Variants in DNAH5 observed in about 807,000 individuals in gnomAD.
The protein encoded by DNAH5 is axonemal beta dynein heavy chain 5.
DNAH5 carries 372 observed loss-of-function variants against 518.2 expected under a neutral mutation model. The ratio of observed to expected loss-of-function variants is 0.72; its 90% CI spans 0.66 to 0.78. DNAH5 has a LOEUF of 0.78. Ranked by LOEUF, DNAH5 falls within the 30% of genes least tolerant of loss-of-function variation. The pLI is 0.00. For synonymous variants in DNAH5, 2,039 were observed against 2,025.9 expected (o/e 1.01, Z -0.17); for missense variants, 5,523 against 5,687.0 (o/e 0.97, Z 0.93).
chr5:13,935,437 AT>A (rs1424704857), intron 1 of DNAH5, among the ~76,000 whole-genome samples: 3 of 152,200 alleles, frequency 2.0e-5, no homozygotes, highest in Non-Finnish European at 4.4e-5. Context: ...TTATTGACAT[AT>A]TTTTAAGTAA....
intron 44 of DNAH5, 59 bp from the exon 45 acceptor site, chr5:13,810,319 A>G (rs994848756): frequency 1.4e-6 from 2 of 1,463,476 alleles, no homozygotes; most frequent in African/African-American, 2.8e-5. Context: ...ACGTTGCTCT[A>G]GGGTTTCAAT....
intron 71 of DNAH5, 129 bp downstream of exon 71, chr5:13,720,871 A>AG (rs397687253): frequency 7.7e-7 from 1 of 1,301,954 alleles, no homozygotes; most frequent in African/African-American, 1.5e-5. Flanking sequence ...TAAAAAAAAA[A>AG]CGCTGTTTAG....
intron 1 of DNAH5, among the ~76,000 whole-genome samples, chr5:13,984,716 T>G (rs1405775912): frequency 6.6e-6 from 1 of 152,230 alleles, no homozygotes. Context: ...AATATCTAAT[T>G]TATTGAGAGT....
intron 72 of DNAH5, among the ~76,000 whole-genome samples, chr5:13,718,355 T>G (rs1270858994): frequency 6.6e-6 from 1 of 152,164 alleles, no homozygotes; most frequent in Non-Finnish European, 1.5e-5. Flanking sequence ...CATGTTCTTT[T>G]CATGACCACA....
At chr5:13,842,042 C>T in intron 32 of DNAH5, 138 bp from the exon 33 acceptor site, 1 of 584,264 alleles carries the variant, frequency 1.7e-6, no homozygotes, top group East Asian at 3.1e-5. Flanking sequence ...TAAACTACTT[C>T]AAAACAATAA....
chr5:13,996,304 T>C (rs1005914639), intron 1 of DNAH5, among the ~76,000 whole-genome samples: 14 of 152,142 alleles, frequency 9.2e-5, no homozygotes, highest in African/African-American at 3.4e-4. Flanking sequence ...CACAGCATTC[T>C]CCCGCCACCC....
At chr5:13,967,856 A>G (rs1781628184) in intron 1 of DNAH5, among the ~76,000 whole-genome samples, 1 of 146,392 alleles carries the variant, frequency 6.8e-6, no homozygotes, top group African/African-American at 2.5e-5. Flanking sequence ...GTGAGGAATG[A>G]TGGTGGTATT....
chr5:13,730,313 C>T (rs902671027), intron 68 of DNAH5, among the ~76,000 whole-genome samples: 2 of 151,804 alleles, frequency 1.3e-5, no homozygotes, highest in Non-Finnish European at 2.9e-5. Context: ...TGTGAGCAAT[C>T]GTTATTTTAA....
At chr5:13,947,506 A>G (rs1052430477), upstream of DNAH5, among the ~76,000 whole-genome samples, 7 of 152,228 alleles carry the variant, frequency 4.6e-5, no homozygotes, top group Non-Finnish European at 8.8e-5. Context: ...TAGGCACCTA[A>G]TAAATGAAAT....
intron 1 of DNAH5, among the ~76,000 whole-genome samples, chr5:13,989,573 T>G (rs1783356168): frequency 6.7e-6 from 1 of 148,368 alleles, no homozygotes; most frequent in African/African-American, 2.5e-5. Context: ...AAGCTCTGCC[T>G]CCCGGGTTCA....
At chr5:13,887,720 C>T (rs1487935719) in intron 17 of DNAH5, among the ~76,000 whole-genome samples, 1 of 152,180 alleles carries the variant, frequency 6.6e-6, no homozygotes, top group Non-Finnish European at 1.5e-5. Context: ...CGATTTCACA[C>T]TTCAACCATT....
Position 13,753,529 on chromosome 5 carries a change from C to G in DNAH5, c.10576G>C (p.Ala3526Pro), listed in dbSNP as rs868745747. The change falls in exon 63 of 79, where the codon GCT becomes CCT. Residue 3526 changes from alanine (A) to proline (P), a missense_variant. Coordinates refer to ENST00000265104, the MANE Select transcript of DNAH5 (RefSeq NM_001369.3). ...RLVGDVLLAT[A>P]FLSYSGPFNQ... ...AATGGACCAGAATAAGATAGAAAAG[C>G]TGTAGCCAACAGTACATCCCCTAAA... 1 of 1,613,788 alleles carries G rather than the reference C, an allele frequency of 6.2e-7. No individual in the cohort carries two copies. Among genetic ancestry groups the G allele is most frequent in the South Asian group, 1.1e-5 (1 of 91,038 alleles).
intron 61 of DNAH5, among the ~76,000 whole-genome samples, chr5:13,756,615 C>A (rs1751027287): frequency 6.6e-6 from 1 of 152,324 alleles, no homozygotes; most frequent in African/African-American, 2.4e-5. Context: ...AAAGTAGATT[C>A]TTTCAGACTG....
At chr5:13,737,120 C>G in intron 66 of DNAH5, 132 bp downstream of exon 66, 12 of 1,448,534 alleles carry the variant, frequency 8.3e-6, no homozygotes, top group Non-Finnish European at 1.1e-5. Context: ...TATTTCCCAA[C>G]AGAAATTCCA....
Position 13,870,797 on chromosome 5 carries a change from G to A in DNAH5, c.3804C>T (p.Ile1268=). 1 of 1,613,678 alleles carries A rather than the reference G, an allele frequency of 6.2e-7. No individual in the cohort carries two copies. The highest frequency in any genetic ancestry group is 8.5e-7 in the Non-Finnish European group (1 of 1,179,746). The part of the protein sequence containing the change: ...AALKEIREEQ[I]SIDFQVGPIE... ...TAGGTCCTACTTGAAAGTCAATGGA[G>A]ATTTGCTCCTCCCTTATTTCTTTCA... The change falls in exon 24 of 79, where the codon ATC becomes ATT. Residue 1268 remains isoleucine, a synonymous_variant. Coordinates refer to ENST00000265104, the MANE Select transcript of DNAH5 (RefSeq NM_001369.3).
rs1312391754 is a variant in DNAH5 at position 13,855,066 on chromosome 5, AATTTT to A, written c.4951-4256_4951-4252del. 1.6e-4 allele frequency among the ~76,000 whole-genome samples: 25 copies of A among 152,330 alleles called. 1 individual carries two copies. Among genetic ancestry groups the A allele is most frequent in the African/African-American group, 6.0e-4 (25 of 41,566 alleles). ...CTAGTAATTTAATTACATTTAACTT[AATTTT>A]AAGTAAAATAAAAAATGCTTCTCTC... On this transcript the variant is annotated intron_variant, in intron 30 of 78. Coordinates refer to ENST00000265104, the MANE Select transcript of DNAH5 (RefSeq NM_001369.3).
Position 13,867,604 on chromosome 5 carries a change from G to A in DNAH5, c.4053+170C>T, listed in dbSNP as rs141835266. Among the ~76,000 whole-genome samples, 1,194 of 139,992 alleles carry A rather than the reference G, an allele frequency of 8.5e-3. 17 individuals are homozygous for A. The highest frequency in any genetic ancestry group is 0.03 in the African/African-American group (1,152 of 38,926). 91.8% of individuals were successfully genotyped at this position (139,992 alleles called of 152,430 possible). ...AAACAGACTAATAGAAACTCTAAGGGGAAAGAATTGTGAAAAAAAATGTTT... is the reference window on the plus strand; with the variant it reads ...AAACAGACTAATAGAAACTCTAAGGAGAAAGAATTGTGAAAAAAAATGTTT... On this transcript the variant is annotated intron_variant, in intron 25 of 78. Transcript: ENST00000265104.
intron 1 of DNAH5, among the ~76,000 whole-genome samples, chr5:13,981,927 T>C (rs905167398): frequency 2.6e-5 from 4 of 152,192 alleles, no homozygotes; most frequent in African/African-American, 9.7e-5. Context: ...TAATCATAAC[T>C]GAAACACAAG....
In DNAH5 at chr5:13,840,934, A is replaced by G. The variant is rs751474710; in HGVS notation, c.5681T>C (p.Val1894Ala). The change falls in exon 34 of 79, where the codon GTG becomes GCG. Residue 1894 changes from valine to alanine, a missense_variant. Transcript: ENST00000265104. ...GTCATCAAAGATATCCCTTTGGTGC[A>G]CATGAATAGTAATCAGAGTCTCGTA... ...VKYETLITIH[V>A]HQRDIFDDLC... 6.2e-7 allele frequency: 1 copy of G among 1,614,156 alleles called. No individual in the cohort carries two copies. Among genetic ancestry groups the G allele is most frequent in the East Asian group, 2.2e-5 (1 of 44,876 alleles).
Sources: gnomAD v4.1 joint callset for allele counts (sites outside exome capture counted in the v4.1 genomes callset) on GRCh38, gnomAD v4.1.1 for gene constraint, MANE v1.5 for transcripts, NCBI Gene and HGNC (gene_info 2026-07-23, HGNC 2026-07-21) for gene names.